The following CFAP61 variants were observed in gnomAD, a reference collection of about 807,000 sequenced individuals.
CFAP61 encodes the protein cilia and flagella associated protein 61.
CFAP61 carries 107 observed loss-of-function variants against 135.6 expected under a neutral mutation model. The ratio of observed to expected loss-of-function variants is 0.79; its 90% CI spans 0.67 to 0.93. The LOEUF (loss-of-function observed/expected upper bound fraction) is 0.93. Ranked by LOEUF, CFAP61 falls within the 40% of genes least tolerant of loss-of-function variation. CFAP61 has a pLI of 0.00. For missense variants in CFAP61, 1,507 were observed against 1,556.2 expected, an observed-to-expected ratio of 0.97 and a Z score of 0.53; for synonymous variants, 575 against 578.5, an observed-to-expected ratio of 0.99 and a Z score of 0.09.
In CFAP61 at chr20:20,277,470, C is replaced by T. The variant is rs374496945; in HGVS notation, c.2796+12C>T. ...GACTCCAGTGCTCTGTAAGTGGGTCCCTGCAAACCTCACTCACCAGCCAGG... is the reference window on the plus strand; with the variant it reads ...GACTCCAGTGCTCTGTAAGTGGGTCTCTGCAAACCTCACTCACCAGCCAGG... On this transcript the variant is annotated intron_variant, in intron 22 of 26. Transcript: ENST00000245957. 9.4e-6 allele frequency: 15 copies of T among 1,587,908 alleles called. No homozygotes were observed. Among genetic ancestry groups the T allele is most frequent in the Non-Finnish European group, 1.3e-5 (15 of 1,162,814 alleles).
At chr20:20,137,376 C>G (rs1450437388) in intron 8 of CFAP61, among the ~76,000 whole-genome samples, 2 of 152,134 alleles carry the variant, frequency 1.3e-5, no homozygotes, top group African/African-American at 4.8e-5. Flanking sequence ...GAGATGCTGT[C>G]TGGGAGCCAG....
intron 18 of CFAP61, among the ~76,000 whole-genome samples, chr20:20,244,154 C>T (rs536345053): frequency 6.6e-6 from 1 of 152,242 alleles, no homozygotes; most frequent in East Asian, 1.9e-4. Context: ...TCCAGACATA[C>T]AGTGCAAGCT....
intron 18 of CFAP61, among the ~76,000 whole-genome samples, chr20:20,245,432 A>T (rs1287414538): frequency 6.6e-6 from 1 of 152,174 alleles, no homozygotes; most frequent in Non-Finnish European, 1.5e-5. Flanking sequence ...TTGTGCAGGG[A>T]AACTCCTATT....
chr20:20,210,995 T>C (rs887046750), intron 17 of CFAP61, among the ~76,000 whole-genome samples: 5 of 152,170 alleles, frequency 3.3e-5, no homozygotes, highest in African/African-American at 1.2e-4. Context: ...GGGTTTTGCC[T>C]TCCTGGAAGA....
At chr20:20,322,144 A>C (rs1046393738) in intron 25 of CFAP61, among the ~76,000 whole-genome samples, 1 of 152,206 alleles carries the variant, frequency 6.6e-6, no homozygotes, top group Non-Finnish European at 1.5e-5. Flanking sequence ...AGAAGCTTCC[A>C]GATGGTTTCA....
chr20:20,239,820 T>TAAATTAAA, intron 18 of CFAP61, among the ~76,000 whole-genome samples: 1 of 152,030 alleles, frequency 6.6e-6, no homozygotes, highest in Non-Finnish European at 1.5e-5. Context: ...TAAAAAGAGG[T>TAAATTAAA]TTCCAGTAGC....
intron 6 of CFAP61, among the ~76,000 whole-genome samples, chr20:20,084,650 G>C (rs543269428): frequency 1.3e-5 from 2 of 152,272 alleles, no homozygotes; most frequent in African/African-American, 4.8e-5. Context: ...ATCAGGCTGC[G>C]AGGGAGAGTT....
At chr20:20,174,792 A>G (rs2054484850) in intron 13 of CFAP61, among the ~76,000 whole-genome samples, 2 of 152,286 alleles carry the variant, frequency 1.3e-5, no homozygotes, top group East Asian at 1.9e-4. Context: ...TAACAAATGA[A>G]TTTGATGGAA....
chr20:20,081,298 A>T (rs1418872307), intron 6 of CFAP61, among the ~76,000 whole-genome samples: 2 of 152,240 alleles, frequency 1.3e-5, no homozygotes. Flanking sequence ...CTTAAGTTTT[A>T]GTCAGGATAC....
intron 2 of CFAP61, among the ~76,000 whole-genome samples, chr20:20,059,154 C>T (rs1311143603): frequency 1.3e-5 from 2 of 151,618 alleles, no homozygotes; most frequent in Non-Finnish European, 2.9e-5. Flanking sequence ...CAGGTGAAAC[C>T]CCATCTCTAC....
rs2058239650 is a variant in CFAP61 at position 20,337,304 on chromosome 20, G to GGATA, written c.3423-4524_3423-4523insAGAT. On this transcript the variant is annotated intron_variant, in intron 25 of 26. Coordinates refer to ENST00000245957, the MANE Select transcript of CFAP61 (RefSeq NM_015585.4). Reference sequence around the variant, plus strand: ...TGGATGGATGGATAGATGGATGGATGGATGGATGGATGGATGGATGGATGG... The same window carrying GGATA: ...TGGATGGATGGATAGATGGATGGATGGATAGATGGATGGATGGATGGATGGATGG... Among the ~76,000 whole-genome samples the GGATA allele has an allele frequency of 2.6e-5, 3 of 113,530 alleles. 1 individual carries two copies. The highest frequency in any genetic ancestry group is 1.0e-4 in the African/African-American group (3 of 30,052). The allele number at this position is 113,530 out of a possible 152,430, so 74.5% of individuals were successfully genotyped here.
chr20:20,196,388 C>A (rs2056289472), intron 15 of CFAP61, among the ~76,000 whole-genome samples, 182 bp from the exon 16 acceptor site: 1 of 152,168 alleles, frequency 6.6e-6, no homozygotes, highest in African/African-American at 2.4e-5. Context: ...GAACAACTAG[C>A]ACTCAGGAAA....
intron 25 of CFAP61, among the ~76,000 whole-genome samples, chr20:20,339,332 C>T (rs183494297): frequency 7.9e-4 from 120 of 152,268 alleles, no homozygotes; most frequent in African/African-American, 1.4e-3. Context: ...TAGTACCTGG[C>T]GGCCAAAAAT....
intron 17 of CFAP61, chr20:20,200,650 C>T (rs1027466478): frequency 6.2e-6 from 6 of 967,658 alleles, no homozygotes; most frequent in Non-Finnish European, 6.1e-6. Flanking sequence ...AAAAAAAAAT[C>T]CCTCAGTGGG....
chr20:20,270,129 A>G (rs2053230391), intron 21 of CFAP61, among the ~76,000 whole-genome samples: 1 of 152,244 alleles, frequency 6.6e-6, no homozygotes. Flanking sequence ...AATGTAACAT[A>G]TAATTCTTGT....
chr20:20,171,865 G>C (rs1314117728), intron 13 of CFAP61: 2 of 666,394 alleles, frequency 3.0e-6, no homozygotes, highest in Non-Finnish European at 5.5e-6. Context: ...CCCACGGCCA[G>C]AGTGGACTTT....
intron 25 of CFAP61, among the ~76,000 whole-genome samples, chr20:20,305,842 A>G (rs2056439712): frequency 6.6e-6 from 1 of 152,206 alleles, no homozygotes; most frequent in African/African-American, 2.4e-5. Flanking sequence ...GGGATTCCTC[A>G]TTGACCATGC....
At chr20:20,290,430 C>T (rs1244534234) in intron 24 of CFAP61, 39 bp downstream of exon 24, 3 of 1,355,200 alleles carry the variant, frequency 2.2e-6, no homozygotes, top group East Asian at 2.3e-5. Flanking sequence ...CTTTCAAATA[C>T]AAAACTTTGT....
At position 20,067,688 on chromosome 20, in the gene CFAP61, A is replaced by AT. The variant is rs201512692; in HGVS notation, c.144-3159dup. Among the ~76,000 whole-genome samples, 25 of 143,264 alleles carry AT rather than the reference A, an allele frequency of 1.7e-4. 1 individual carries two copies. In the South Asian group the frequency reaches 2.8e-3, roughly 16 times the overall value. 94.0% of individuals were successfully genotyped at this position (143,264 alleles called of 152,430 possible). A position where few individuals can be genotyped will look rare whatever the true frequency, so the allele number is the denominator to read the frequency against. ...AATATATATATTTATATTATATATA[A>AT]TTTTTTTATATATTCATATTTTATA... On this transcript the variant is annotated intron_variant, in intron 2 of 26. Coordinates refer to ENST00000245957, the MANE Select transcript of CFAP61 (RefSeq NM_015585.4).
Sources: gnomAD v4.1 joint callset for allele counts (sites outside exome capture counted in the v4.1 genomes callset) on GRCh38, gnomAD v4.1.1 for gene constraint, MANE v1.5 for transcripts, NCBI Gene and HGNC (gene_info 2026-07-23, HGNC 2026-07-21) for gene names.